Variants in CRACDL observed in about 807,000 individuals in gnomAD.
CRACDL encodes the protein CRACD like, also known as CRACD-like protein.
In CRACDL, 26 loss-of-function variants were observed where a neutral mutation model predicts 70.6. That is an observed-to-expected ratio of 0.37 (90% CI 0.27 to 0.51). The LOEUF is 0.51. Ranked by LOEUF, CRACDL falls within the 20% of genes least tolerant of loss-of-function variation. The probability of loss-of-function intolerance (pLI) is 0.94; values close to 1 mark genes in which losing one functional copy is unlikely to be tolerated. For synonymous variants in CRACDL, 618 were observed against 615.2 expected, an observed-to-expected ratio of 1.00 and a Z score of -0.07; for missense variants, 1,283 against 1,376.9, an observed-to-expected ratio of 0.93 and a Z score of 1.08.
chr2:98,837,969 T>C, intron 3 of CRACDL, 150 bp downstream of exon 3: 1 of 614,678 alleles, frequency 1.6e-6, no homozygotes, highest in Non-Finnish European at 2.7e-6. Flanking sequence ...CATCCCTAGG[T>C]TTGAAAAGAC....
At chr2:98,908,965 G>A (rs566271636) in intron 1 of CRACDL, among the ~76,000 whole-genome samples, 17 of 152,304 alleles carry the variant, frequency 1.1e-4, no homozygotes, top group African/African-American at 3.9e-4. Flanking sequence ...GTCTACACAC[G>A]GAAAAAGCCC....
At chr2:98,807,178 T>C (rs1421404241) in intron 7 of CRACDL, among the ~76,000 whole-genome samples, 1 of 152,232 alleles carries the variant, frequency 6.6e-6, no homozygotes, top group East Asian at 1.9e-4. Flanking sequence ...TTGGCCAATA[T>C]GTAACAAAGC....
At chr2:98,927,476 T>C (rs1708961163) in intron 1 of CRACDL, among the ~76,000 whole-genome samples, 1 of 149,068 alleles carries the variant, frequency 6.7e-6, no homozygotes, top group African/African-American at 2.5e-5. Flanking sequence ...ATTCAGGAAA[T>C]CTTGGTAAAG....
intron 1 of CRACDL, among the ~76,000 whole-genome samples, chr2:98,850,072 G>A (rs139556090): frequency 7.9e-5 from 12 of 152,314 alleles, no homozygotes; most frequent in East Asian, 5.8e-4. Context: ...ACACATGCCC[G>A]GCATGCCCTG....
At chr2:98,906,481 C>G (rs1397705318) in intron 1 of CRACDL, among the ~76,000 whole-genome samples, 1 of 152,136 alleles carries the variant, frequency 6.6e-6, no homozygotes, top group Non-Finnish European at 1.5e-5. Context: ...AGGCTGGTCT[C>G]AAACTCCTGA....
intron 1 of CRACDL, among the ~76,000 whole-genome samples, chr2:98,882,753 T>C (rs569617047): frequency 2.0e-5 from 3 of 152,080 alleles, no homozygotes; most frequent in African/African-American, 7.2e-5. Context: ...AACCCCCCGA[T>C]TCCACACGGA....
chr2:98,922,438 CA>C (rs565954351), intron 1 of CRACDL, among the ~76,000 whole-genome samples: 6,086 of 63,340 alleles, frequency 0.096, 101 homozygotes, highest in Middle Eastern at 0.15. Flanking sequence ...GACTCCGTCT[CA>C]AAAAAAAAAA....
chr2:98,837,793 TAAGTC>T (rs1430527357), intron 3 of CRACDL, among the ~76,000 whole-genome samples: 1 of 152,204 alleles, frequency 6.6e-6, no homozygotes, highest in African/African-American at 2.4e-5. Context: ...AAAAGAGTTT[TAAGTC>T]AAGTTAAACC....
chr2:98,885,599 G>A (rs751137297), intron 1 of CRACDL, among the ~76,000 whole-genome samples: 4 of 152,094 alleles, frequency 2.6e-5, no homozygotes, highest in Non-Finnish European at 4.4e-5. Flanking sequence ...GGGGATAATA[G>A]AAAATGCAGA....
intron 1 of CRACDL, among the ~76,000 whole-genome samples, chr2:98,917,837 C>T (rs940687782): frequency 5.9e-5 from 9 of 152,148 alleles, no homozygotes; most frequent in African/African-American, 1.7e-4. Flanking sequence ...TCCATGTATA[C>T]GCATTATTTC....
intron 7 of CRACDL, among the ~76,000 whole-genome samples, chr2:98,804,671 C>T (rs1704214934): frequency 6.6e-6 from 1 of 152,120 alleles, no homozygotes; most frequent in African/African-American, 2.4e-5. Flanking sequence ...TGTGATGTGC[C>T]CGATGGAGAT....
intron 1 of CRACDL, among the ~76,000 whole-genome samples, chr2:98,894,923 T>C (rs753528908): frequency 6.6e-6 from 1 of 152,064 alleles, no homozygotes; most frequent in Non-Finnish European, 1.5e-5. Context: ...CTTGGCAACA[T>C]AGCAAGAGCT....
chr2:98,801,118 C>T (rs930935281), intron 7 of CRACDL, among the ~76,000 whole-genome samples: 1 of 152,232 alleles, frequency 6.6e-6, no homozygotes, highest in Non-Finnish European at 1.5e-5. Context: ...TGCCTCTTTC[C>T]CTGCAACTGC....
At chr2:98,934,558 C>T (rs766410250) in intron 1 of CRACDL, among the ~76,000 whole-genome samples, 4 of 152,118 alleles carry the variant, frequency 2.6e-5, no homozygotes, top group South Asian at 2.1e-4. Context: ...GACAGCCACC[C>T]GTTAGTGAGC....
rs540355894 is a variant in CRACDL, at chr2:98,878,890, T to C, written c.-10-32080A>G. 2.6e-5 allele frequency among the ~76,000 whole-genome samples: 4 copies of C among 152,314 alleles called. No individual in the cohort carries two copies. The South Asian group carries it at 8.3e-4, about 32-fold the overall frequency. ...TTGAACCACTGTACGGTAGGGACCA[T>C]CTGTATTGAAGATATATTTTCAAAA... On this transcript the variant is annotated intron_variant, in intron 1 of 9. Transcript: ENST00000397899.
intron 7 of CRACDL, among the ~76,000 whole-genome samples, chr2:98,798,443 CAAAAAAAAAAAAAA>C (rs70940125): frequency 4.5e-4 from 20 of 44,358 alleles, no homozygotes; most frequent in South Asian, 2.8e-3. Flanking sequence ...GACTCCGTCT[CAAAAAAAAAAAAAA>C]AAAAAAAAAA....
intron 1 of CRACDL, among the ~76,000 whole-genome samples, chr2:98,925,133 A>G (rs895686103): frequency 6.6e-6 from 1 of 151,990 alleles, no homozygotes; most frequent in Non-Finnish European, 1.5e-5. Flanking sequence ...GGGAAGGAGG[A>G]GGGAAGGAAG....
chr2:98,864,674 G>A (rs1707065179), intron 1 of CRACDL, among the ~76,000 whole-genome samples: 1 of 151,924 alleles, frequency 6.6e-6, no homozygotes, highest in Non-Finnish European at 1.5e-5. Flanking sequence ...AGCCTCTGGA[G>A]TAGCTGGGAC....
In CRACDL at chr2:98,812,872, T is replaced by C. The variant is rs561702935; in HGVS notation, c.2416+8985A>G. 1.7e-4 allele frequency among the ~76,000 whole-genome samples: 26 copies of C among 152,350 alleles called. No individual in the cohort carries two copies. The East Asian group carries it at 4.4e-3, about 26-fold the overall frequency. On this transcript the variant is annotated intron_variant, in intron 7 of 9. Transcript: ENST00000397899. ...AAGCAAAAGGTATTAATTTTAATAA[T>C]GTCCAATTCATCAAATTTTCCACTT... is the stretch of plus-strand genomic sequence containing the variant.
Sources: gnomAD v4.1 joint callset for allele counts (sites outside exome capture counted in the v4.1 genomes callset) on GRCh38, gnomAD v4.1.1 for gene constraint, MANE v1.5 for transcripts, NCBI Gene and HGNC (gene_info 2026-07-23, HGNC 2026-07-21) for gene names.